Variants in FXN observed in about 807,000 individuals in gnomAD.
FXN encodes frataxin, also known as frataxin, mitochondrial.
FXN carries 14 observed loss-of-function variants against 22.4 expected under a neutral mutation model. The ratio of observed to expected loss-of-function variants is 0.62; its 90% confidence interval spans 0.41 to 0.98. FXN has a LOEUF of 0.98. FXN is among the 50% of genes least tolerant of loss of function. FXN has a pLI of 0.00. For missense variants in FXN, 267 were observed against 268.4 expected, an observed-to-expected ratio of 0.99 and a Z score of 0.04; for synonymous variants, 120 against 114.1, an observed-to-expected ratio of 1.05 and a Z score of -0.33.
intron 1 of FXN, among the ~76,000 whole-genome samples, chr9:69,045,500 C>T (rs967658155): frequency 1.3e-5 from 2 of 151,894 alleles, no homozygotes; most frequent in Non-Finnish European, 2.9e-5. Context: ...GGCTGAGGCA[C>T]GAGAATCACT....
In FXN at chr9:69,078,513, T is replaced by C; in HGVS notation, c.*5751T>C. 1.0e-6 allele frequency: 1 copy of C among 979,238 alleles called. No individual in the cohort carries two copies. The highest frequency in any genetic ancestry group is 1.2e-6 in the Non-Finnish European group (1 of 827,630). 60.7% of individuals were successfully genotyped at this position (979,238 alleles called of 1,614,324 possible). A position where few individuals can be genotyped will look rare whatever the true frequency, so the allele number is the denominator to read the frequency against. On this transcript the variant is annotated 3_prime_UTR_variant, in exon 5 of 5. Coordinates refer to ENST00000484259, the MANE Select transcript of FXN (RefSeq NM_000144.5). ...AAGCTTTCAGAAAGGCAATCTCTTG[T>C]CTGTAAAACCTAAGCAGGACCAAGG...
Position 69,073,855 on chromosome 9 carries a change from C to T in FXN, c.*1093C>T, listed in dbSNP as rs967886353. The stretch of plus-strand genomic sequence containing the variant: ...TAGGAAACATTGTTATTGGTGTTGC[C>T]CTATCGTGATTTCAGTTGAATTCAT... On this transcript the variant is annotated 3_prime_UTR_variant, in exon 5 of 5. Coordinates refer to ENST00000484259, the MANE Select transcript of FXN (RefSeq NM_000144.5). The T allele has an allele frequency of 6.1e-6, 6 of 985,150 alleles. No individual in the cohort carries two copies. The African/African-American group carries it at 1.0e-4, about 17-fold the overall frequency. 61.0% of individuals were successfully genotyped at this position (985,150 alleles called of 1,614,324 possible).
At position 69,035,894 on chromosome 9, in the gene FXN, G is replaced by T. The variant is rs576852565; in HGVS notation, c.112G>T (p.Gly38Cys). 1.3e-6 allele frequency: 2 copies of T among 1,487,784 alleles called. No individual in the cohort carries two copies. Among genetic ancestry groups the T allele is most frequent in the Non-Finnish European group, 1.8e-6 (2 of 1,125,412 alleles). 92.2% of individuals were successfully genotyped at this position (1,487,784 alleles called of 1,614,324 possible). Reference sequence around the variant, plus strand: ...GCCGGCAGAGTTGGCCCCACTCTGCGGCCGCCGTGGCCTGCGCACCGACAT... The same window carrying T: ...GCCGGCAGAGTTGGCCCCACTCTGCTGCCGCCGTGGCCTGCGCACCGACAT... ...PRPAELAPLC[G>C]RRGLRTDIDA... Residue 38 changes from glycine to cysteine, a missense_variant, in exon 1 of 5, where the codon GGC becomes TGC. Physicochemically the swap from Gly to Cys is radical, Grantham distance 159. Transcript: ENST00000484259.
At chr9:69,063,530 G>A (rs902454077) in intron 3 of FXN, among the ~76,000 whole-genome samples, 7 of 152,102 alleles carry the variant, frequency 4.6e-5, no homozygotes, top group South Asian at 2.1e-4. Flanking sequence ...CATTGCTGAC[G>A]TCTCCATCAT....
rs1832352903 is a variant in FXN, at chr9:69,075,682, TACTG to T, written c.*2921_*2924del. 1 of 985,330 alleles carries T rather than the reference TACTG, an allele frequency of 1.0e-6. No individual in the cohort carries two copies. The allele number at this position is 985,330 out of a possible 1,614,324, so 61.0% of individuals were successfully genotyped here. ...AGGTTATTAAATATTCACTGTAACA[TACTG>T]GAGGAGGTGAGGAATTGCATAATAC... On this transcript the variant is annotated 3_prime_UTR_variant, in exon 5 of 5. Transcript: ENST00000484259.
intron 2 of FXN, among the ~76,000 whole-genome samples, chr9:69,052,196 C>T (rs1231862013): frequency 4.0e-5 from 6 of 151,660 alleles, no homozygotes; most frequent in Admixed American, 6.6e-5. Context: ...CTCTGTCACC[C>T]AGGCTGGAGT....
At chr9:69,046,273 G>A in intron 1 of FXN, 112 bp from the exon 2 acceptor site, 1 of 772,352 alleles carries the variant, frequency 1.3e-6, no homozygotes, top group South Asian at 1.5e-5. Context: ...TAGAAAAAAT[G>A]GAGCACTCGG....
intron 1 of FXN, among the ~76,000 whole-genome samples, chr9:69,041,978 T>C (rs543200298): frequency 2.0e-5 from 3 of 152,152 alleles, no homozygotes; most frequent in Non-Finnish European, 2.9e-5. Context: ...TGCGGTGGCT[T>C]ACGCCTGTAA....
intron 3 of FXN, among the ~76,000 whole-genome samples, chr9:69,055,380 C>T (rs1014878815): frequency 6.6e-6 from 1 of 152,148 alleles, no homozygotes; most frequent in African/African-American, 2.4e-5. Flanking sequence ...GTCATGAAAC[C>T]TGTTTTTATA....
rs1456280969 is a variant in FXN at position 69,035,863 on chromosome 9, C to T, written c.81C>T (p.Val27=). The change falls in exon 1 of 5, where the codon GTC becomes GTT. Residue 27 remains valine (V), a synonymous_variant. Transcript: ENST00000484259. ...SPAQAQTLTR[V]PRPAELAPLC... ...CCCAGGCCCAGACCCTCACCCGGGT[C>T]CCGCGGCCGGCAGAGTTGGCCCCAC... 35 of 1,497,322 alleles carry T rather than the reference C, an allele frequency of 2.3e-5. No individual in the cohort carries two copies. The highest frequency in any genetic ancestry group is 3.0e-5 in the Non-Finnish European group (34 of 1,130,176). The allele number at this position is 1,497,322 out of a possible 1,614,324, so 92.8% of individuals were successfully genotyped here.
intron 3 of FXN, among the ~76,000 whole-genome samples, chr9:69,056,647 G>A (rs1300529511): frequency 1.3e-5 from 2 of 152,142 alleles, no homozygotes; most frequent in Admixed American, 1.3e-4. Flanking sequence ...GTGGTCAGTG[G>A]TTATCAGGAA....
rs1184835385 is a variant in FXN at position 69,074,834 on chromosome 9, T to A, written c.*2072T>A. 1 of 977,594 alleles carries A rather than the reference T, an allele frequency of 1.0e-6. No individual in the cohort carries two copies. Among genetic ancestry groups the A allele is most frequent in the Non-Finnish European group, 1.2e-6 (1 of 822,810 alleles). 60.6% of individuals were successfully genotyped at this position (977,594 alleles called of 1,614,324 possible). ...AAATAAAATTATTTTTTGAGTCTGA[T>A]GGAAATGTTTAAGTGCAGTAGGCCA... On this transcript the variant is annotated 3_prime_UTR_variant, in exon 5 of 5. Transcript: ENST00000484259.
chr9:69,066,976 C>T (rs566666424), intron 4 of FXN, among the ~76,000 whole-genome samples: 283 of 152,300 alleles, frequency 1.9e-3, no homozygotes, highest in African/African-American at 6.3e-3. Context: ...CCCCGGTCCA[C>T]CTCAGGCCCC....
chr9:69,077,930 A>G lies in FXN; in HGVS notation c.*5168A>G, dbSNP rs35104955. ...GGGTGACAAGAGGGAAACTCCATTA[A>G]AAAAATGTAATTCCCGTGTCTGCCA... On this transcript the variant is annotated 3_prime_UTR_variant, in exon 5 of 5. Coordinates refer to ENST00000484259, the MANE Select transcript of FXN (RefSeq NM_000144.5). The G allele has an allele frequency of 0.42, 404,278 of 970,618 alleles. 86,154 individuals carry two copies. The highest frequency in any genetic ancestry group is 0.56 in the East Asian group (4,907 of 8,728). 60.1% of individuals were successfully genotyped at this position (970,618 alleles called of 1,614,324 possible).
intron 3 of FXN, among the ~76,000 whole-genome samples, chr9:69,055,428 A>G (rs554067106): frequency 1.3e-5 from 2 of 152,184 alleles, no homozygotes; most frequent in Non-Finnish European, 2.9e-5. Flanking sequence ...AGTACTTTGC[A>G]TGAATGTTTT....
chr9:69,052,149 A>T (rs1001571680), intron 2 of FXN, among the ~76,000 whole-genome samples: 149 of 144,096 alleles, frequency 1.0e-3, no homozygotes, highest in African/African-American at 3.6e-3. Context: ...GGCCCAGCCT[A>T]TTTTTTTTTT....
At chr9:69,060,417 T>C (rs1050177691) in intron 3 of FXN, among the ~76,000 whole-genome samples, 1 of 151,622 alleles carries the variant, frequency 6.6e-6, no homozygotes, top group African/African-American at 2.4e-5. Flanking sequence ...TCTGTGCTAA[T>C]TGGCTAGTGC....
Position 69,035,898 on chromosome 9 carries a change from G to A in FXN, c.116G>A (p.Arg39His), listed in dbSNP as rs1564326540. ...GCAGAGTTGGCCCCACTCTGCGGCC[G>A]CCGTGGCCTGCGCACCGACATCGAT... ...RPAELAPLCG[R>H]RGLRTDIDAT... The change falls in exon 1 of 5, where the codon CGC becomes CAC. Residue 39 changes from arginine to histidine, a missense_variant. Arg to His is a conservative substitution (Grantham distance 29). Transcript: ENST00000484259. 2 of 1,480,638 alleles carry A rather than the reference G, an allele frequency of 1.4e-6. No homozygotes were observed. The highest frequency in any genetic ancestry group is 1.8e-6 in the Non-Finnish European group (2 of 1,121,558). The allele number at this position is 1,480,638 out of a possible 1,614,324, so 91.7% of individuals were successfully genotyped here. A position where few individuals can be genotyped will look rare whatever the true frequency, so the allele number is the denominator to read the frequency against.
Position 69,074,216 on chromosome 9 carries a change from G to A in FXN, c.*1454G>A, listed in dbSNP as rs911483328. 1.1e-6 allele frequency: 1 copy of A among 889,782 alleles called. No homozygotes were observed. Among genetic ancestry groups the A allele is most frequent in the Non-Finnish European group, 1.3e-6 (1 of 744,648 alleles). 55.1% of individuals were successfully genotyped at this position (889,782 alleles called of 1,614,324 possible). On this transcript the variant is annotated 3_prime_UTR_variant, in exon 5 of 5. Transcript: ENST00000484259. ...TAATAACAATATAATAATAATAATA[G>A]CCATCCTTTATTGTACCCTTACTGG...
Sources: allele counts gnomAD v4.1 joint callset (sites outside exome capture counted in the v4.1 genomes callset), GRCh38; gene constraint gnomAD v4.1.1; transcripts MANE v1.5; gene names NCBI Gene and HGNC (gene_info 2026-07-23, HGNC 2026-07-21).